The following NDUFAF2 variants were observed in gnomAD, a reference collection of about 807,000 sequenced individuals.
NDUFAF2 encodes NADH dehydrogenase [ubiquinone] 1 alpha subcomplex assembly factor 2.
Under a neutral mutation model 22.8 loss-of-function variants are expected in NDUFAF2, and 13 were observed. The ratio of observed to expected loss-of-function variants is 0.57; its 90% CI spans 0.37 to 0.91. The LOEUF (loss-of-function observed/expected upper bound fraction) is 0.91. Among genes scored for constraint, NDUFAF2 ranks in the 40% least tolerant of loss-of-function variants. The pLI is 0.01. For synonymous variants in NDUFAF2, 53 were observed against 64.2 expected, an observed-to-expected ratio of 0.83 and a Z score of 0.84; for missense variants, 162 against 195.2, an observed-to-expected ratio of 0.83 and a Z score of 1.01.
chr5:60,962,598 C>T (rs912522516), intron 1 of NDUFAF2, among the ~76,000 whole-genome samples: 1 of 151,866 alleles, frequency 6.6e-6, no homozygotes, highest in African/African-American at 2.4e-5. Context: ...TTTGGGAGGC[C>T]GAGGTGGGCA....
intron 1 of NDUFAF2, among the ~76,000 whole-genome samples, chr5:60,986,639 A>G (rs919836096): frequency 1.3e-5 from 2 of 152,130 alleles, no homozygotes; most frequent in Non-Finnish European, 2.9e-5. Flanking sequence ...AGATTGAAAC[A>G]TGAAAAACTG....
Position 61,073,173 on chromosome 5 carries a change from A to G in NDUFAF2, c.176A>G (p.Glu59Gly). ...ATTGTAGAAGCAGCAAATAAAAAAG[A>G]AGTAGACTATGAAGCAGGGGATATT... ...KRIVEAANKK[E>G]VDYEAGDIPT... Residue 59 changes from glutamate to glycine, a missense_variant, in exon 2 of 4, where the codon GAA (glutamate) becomes GGA (glycine). Coordinates refer to ENST00000296597, the MANE Select transcript of NDUFAF2 (RefSeq NM_174889.5). 6.2e-7 allele frequency: 1 copy of G among 1,613,452 alleles called. No homozygotes were observed. Among genetic ancestry groups the G allele is most frequent in the Non-Finnish European group, 8.5e-7 (1 of 1,179,544 alleles).
At chr5:60,954,791 G>A (rs1750594531) in intron 1 of NDUFAF2, among the ~76,000 whole-genome samples, 1 of 151,568 alleles carries the variant, frequency 6.6e-6, no homozygotes. Context: ...CAAGTATAAG[G>A]TGATAGCTTA....
rs201264710 is a variant in NDUFAF2, at chr5:61,129,426, A to G, written c.259-23278A>G. The stretch of plus-strand genomic sequence containing the variant: ...AACAATGATAGACTGGATTAAGAAA[A>G]TGTGGCACATATACACCATGGAATA... On this transcript the variant is annotated intron_variant, in intron 3 of 3. Transcript: ENST00000296597. 3.2e-4 allele frequency among the ~76,000 whole-genome samples: 48 copies of G among 152,316 alleles called. No homozygotes were observed. The East Asian group carries it at 7.1e-3, about 23-fold the overall frequency.
intron 2 of NDUFAF2, among the ~76,000 whole-genome samples, chr5:61,097,780 C>T (rs1752663197): frequency 6.6e-6 from 1 of 152,164 alleles, no homozygotes; most frequent in African/African-American, 2.4e-5. Context: ...ATATTCTTTG[C>T]ATGTTGTTCA....
At chr5:61,095,943 G>C (rs1158062386) in intron 2 of NDUFAF2, among the ~76,000 whole-genome samples, 2 of 152,022 alleles carry the variant, frequency 1.3e-5, no homozygotes, top group African/African-American at 4.8e-5. Context: ...TCGCCCCTTT[G>C]GTTGCTCTCC....
rs367921312 is a variant in NDUFAF2 at position 61,027,768 on chromosome 5, TTTC to T, written c.128-45351_128-45349del. 9.9e-5 allele frequency among the ~76,000 whole-genome samples: 15 copies of T among 152,116 alleles called. No homozygotes were observed. In the South Asian group the frequency reaches 2.9e-3, roughly 29 times the overall value. On this transcript the variant is annotated intron_variant, in intron 1 of 3. Coordinates refer to ENST00000296597, the MANE Select transcript of NDUFAF2 (RefSeq NM_174889.5). ...TACTACTTATTAAAAGCCTCCTTTT[TTTC>T]TTCTTATCAGTTGCTGTCAATTTCA...
intron 1 of NDUFAF2, among the ~76,000 whole-genome samples, chr5:61,052,849 C>CT (rs1463950348): frequency 1.3e-5 from 2 of 152,132 alleles, no homozygotes; most frequent in African/African-American, 2.4e-5. Context: ...GTTATTCAAC[C>CT]TTTTTGTTGA....
rs202244685 is a variant in NDUFAF2, at chr5:60,985,956, A to G, written c.127+40574A>G. 1.2e-4 allele frequency among the ~76,000 whole-genome samples: 18 copies of G among 152,346 alleles called. No homozygotes were observed. The East Asian group carries it at 3.5e-3, about 29-fold the overall frequency. ...AATCAGAACTACAAGGAGATATCTC[A>G]TTCCAGCTAAATGGCTTGTGTCCAA... On this transcript the variant is annotated intron_variant, in intron 1 of 3. Coordinates refer to ENST00000296597, the MANE Select transcript of NDUFAF2 (RefSeq NM_174889.5).
intron 3 of NDUFAF2, chr5:61,116,104 T>C (rs1020798347): frequency 1.3e-5 from 2 of 152,144 alleles, no homozygotes; most frequent in Non-Finnish European, 2.9e-5. Context: ...GCCTTTATGC[T>C]CCAGGCAGAG....
rs547258276 is a variant in NDUFAF2, at chr5:60,945,336, A to G, written c.81A>G (p.Gln27=). The change falls in exon 1 of 4, where the codon CAA becomes CAG. Residue 27 remains glutamine (Q), a synonymous_variant. Coordinates refer to ENST00000296597, the MANE Select transcript of NDUFAF2 (RefSeq NM_174889.5). The part of the protein sequence containing the change: ...REVKEHVGTD[Q]FGNKYYYIPQ... Reference sequence around the variant, plus strand: ...TGAAGGAGCACGTGGGCACGGACCAATTCGGGAACAAATACTACTACATCC... The same window carrying G: ...TGAAGGAGCACGTGGGCACGGACCAGTTCGGGAACAAATACTACTACATCC... 3 of 1,614,172 alleles carry G rather than the reference A, an allele frequency of 1.9e-6. No individual in the cohort carries two copies. Among genetic ancestry groups the G allele is most frequent in the East Asian group, 4.5e-5 (2 of 44,866 alleles).
At chr5:61,056,934 ATATATATATATATATATATT>A (rs1338264399) in intron 1 of NDUFAF2, among the ~76,000 whole-genome samples, 1 of 65,394 alleles carries the variant, frequency 1.5e-5, no homozygotes, top group African/African-American at 4.9e-5. Flanking sequence ...ATATATATAT[ATATATATATATATATATATT>A]TATATGGTGC....
At chr5:61,150,668 A>G (rs1005918610) in intron 3 of NDUFAF2, among the ~76,000 whole-genome samples, 1 of 152,178 alleles carries the variant, frequency 6.6e-6, no homozygotes, top group African/African-American at 2.4e-5. Flanking sequence ...TGACTGATCT[A>G]TTATACAAAA....
intron 1 of NDUFAF2, among the ~76,000 whole-genome samples, chr5:60,993,297 G>A (rs578089615): frequency 6.6e-6 from 1 of 152,346 alleles, no homozygotes; most frequent in African/African-American, 2.4e-5. Context: ...GCCCCAAAGA[G>A]GGAGTCACAG....
At chr5:61,152,322 T>A (rs1409896806) in intron 3 of NDUFAF2, among the ~76,000 whole-genome samples, 3 of 152,158 alleles carry the variant, frequency 2.0e-5, no homozygotes, top group African/African-American at 7.2e-5. Context: ...AGAGCACTTC[T>A]TTCTCACCAG....
intron 1 of NDUFAF2, among the ~76,000 whole-genome samples, chr5:60,970,548 C>G (rs1275875889): frequency 6.6e-6 from 1 of 152,048 alleles, no homozygotes; most frequent in Non-Finnish European, 1.5e-5. Flanking sequence ...TATGTTGATT[C>G]TGTATCTCAC....
In NDUFAF2 at chr5:60,945,305, G is replaced by T; in HGVS notation, c.50G>T (p.Arg17Met). ...LFRALWRSLS[R>M]EVKEHVGTDQ... Reference sequence around the variant, plus strand: ...CGCGCCTTGTGGAGATCGCTGTCAAGGGAAGTGAAGGAGCACGTGGGCACG... The same window carrying T: ...CGCGCCTTGTGGAGATCGCTGTCAATGGAAGTGAAGGAGCACGTGGGCACG... Residue 17 changes from arginine (R) to methionine (M), a missense_variant, in exon 1 of 4, where the codon AGG becomes ATG. By Grantham distance (91) the Arg-to-Met change is moderately conservative. Around this residue, in one of 2 missense-constraint regions of NDUFAF2, gnomAD observed 94 missense variants for 85.2 expected, o/e 1.10. Transcript: ENST00000296597. The T allele has an allele frequency of 6.2e-7, 1 of 1,614,072 alleles. No homozygotes were observed. Among genetic ancestry groups the T allele is most frequent in the Non-Finnish European group, 8.5e-7 (1 of 1,180,006 alleles).
chr5:60,996,272 G>A (rs189500164), intron 1 of NDUFAF2, among the ~76,000 whole-genome samples: 1 of 152,268 alleles, frequency 6.6e-6, no homozygotes, highest in East Asian at 1.9e-4. Flanking sequence ...AATGCTGCCA[G>A]GATGTGTCAT....
intron 1 of NDUFAF2, among the ~76,000 whole-genome samples, chr5:60,990,447 G>T (rs1296649267): frequency 6.6e-6 from 1 of 151,930 alleles, no homozygotes. Flanking sequence ...ATTAAAAAGT[G>T]AAATTATGAG....
Sources: gnomAD v4.1 joint callset for allele counts (sites outside exome capture counted in the v4.1 genomes callset) on GRCh38, gnomAD v4.1.1 for gene constraint, gnomAD v4.1.1 regional missense constraint, MANE v1.5 for transcripts, NCBI Gene and HGNC (gene_info 2026-07-23, HGNC 2026-07-21) for gene names.